The following KCNH1 variants were observed in gnomAD, a reference collection of about 807,000 sequenced individuals.
KCNH1 encodes potassium voltage-gated channel subfamily H member 1.
In KCNH1, 27 loss-of-function variants were observed where a neutral mutation model predicts 69.2. The ratio of observed to expected loss-of-function variants is 0.39; its 90% confidence interval spans 0.29 to 0.54. The LOEUF is 0.54. KCNH1 is among the 20% of genes least tolerant of loss of function. The pLI, the probability that KCNH1 is intolerant of heterozygous loss-of-function variation, is 0.68. For synonymous variants in KCNH1, 456 were observed against 487.7 expected, an observed-to-expected ratio of 0.93 and a Z score of 0.86; for missense variants, 798 against 1,261.6, an observed-to-expected ratio of 0.63 and a Z score of 5.57.
At chr1:211,013,655 AC>A (rs1689441058) in intron 6 of KCNH1, among the ~76,000 whole-genome samples, 1 of 152,200 alleles carries the variant, frequency 6.6e-6, no homozygotes, top group Admixed American at 6.5e-5. Context: ...AGGCAAAAGG[AC>A]AAACTGTCCC....
At chr1:210,951,867 G>T (rs1688068083) in intron 6 of KCNH1, among the ~76,000 whole-genome samples, 1 of 152,064 alleles carries the variant, frequency 6.6e-6, no homozygotes, top group African/African-American at 2.4e-5. Flanking sequence ...GCACACTGTT[G>T]TCTTTTCTAG....
chr1:211,023,064 T>C (rs1689615901), intron 5 of KCNH1, among the ~76,000 whole-genome samples: 1 of 151,502 alleles, frequency 6.6e-6, no homozygotes. Flanking sequence ...TGAGCCAAGA[T>C]CATGCCACTG....
chr1:210,925,250 T>C (rs1687543852), intron 6 of KCNH1, among the ~76,000 whole-genome samples: 1 of 152,342 alleles, frequency 6.6e-6, no homozygotes, highest in Non-Finnish European at 1.5e-5. Flanking sequence ...AGATGGCAGA[T>C]AGGAGGCAGG....
chr1:211,104,602 A>C (rs971072293), intron 2 of KCNH1, among the ~76,000 whole-genome samples: 1 of 152,150 alleles, frequency 6.6e-6, no homozygotes, highest in Non-Finnish European at 1.5e-5. Flanking sequence ...ATGGCACAGG[A>C]GACTAACAAA....
chr1:210,863,981 C>A (rs1358627113), intron 7 of KCNH1, among the ~76,000 whole-genome samples: 3 of 143,182 alleles, frequency 2.1e-5, no homozygotes, highest in Non-Finnish European at 4.6e-5. Flanking sequence ...AAACCTGCTG[C>A]TAACTAGAGG....
chr1:210,698,472 GAGAA>G (rs1170687076), intron 10 of KCNH1, among the ~76,000 whole-genome samples: 4 of 152,200 alleles, frequency 2.6e-5, no homozygotes, highest in Admixed American at 1.3e-4. Context: ...GAAGGTAAAA[GAGAA>G]AGAAGGATCT....
intron 6 of KCNH1, among the ~76,000 whole-genome samples, chr1:210,942,127 AG>A (rs1331231965): frequency 6.6e-6 from 1 of 152,230 alleles, no homozygotes; most frequent in Non-Finnish European, 1.5e-5. Context: ...AGTTTCTGGA[AG>A]CAGGCAGAAG....
At chr1:211,033,780 G>T (rs1186517591) in intron 5 of KCNH1, among the ~76,000 whole-genome samples, 1 of 152,018 alleles carries the variant, frequency 6.6e-6, no homozygotes, top group Non-Finnish European at 1.5e-5. Flanking sequence ...GGGGGGAGTG[G>T]GGAGGGATAG....
chr1:210,721,009 T>C (rs1682441468), intron 10 of KCNH1, among the ~76,000 whole-genome samples: 1 of 152,268 alleles, frequency 6.6e-6, no homozygotes, highest in Non-Finnish European at 1.5e-5. Flanking sequence ...GCTTTGGAGC[T>C]AGAAGAACCC....
At position 210,795,960 on chromosome 1, in the gene KCNH1, AAAACACACACAC is replaced by A. The variant is rs1220490234; in HGVS notation, c.1915+1536_1915+1547del. ...ACATGGTGAAACCCCATCTCTACTA[AAAACACACACAC>A]ACACACACACACACACACACACACA... On this transcript the variant is annotated intron_variant, in intron 9 of 10. Transcript: ENST00000271751. 1.3e-4 allele frequency among the ~76,000 whole-genome samples: 9 copies of A among 68,440 alleles called. No individual in the cohort carries two copies. In the South Asian group the frequency reaches 3.3e-3, roughly 25 times the overall value. 44.9% of individuals were successfully genotyped at this position (68,440 alleles called of 152,430 possible).
chr1:210,908,742 G>A (rs1241523357), intron 7 of KCNH1, among the ~76,000 whole-genome samples: 1 of 151,984 alleles, frequency 6.6e-6, no homozygotes, highest in African/African-American at 2.4e-5. Flanking sequence ...TCAGGAAGAG[G>A]GACACTCTAT....
At chr1:210,804,425 G>T (rs1684492457) in intron 7 of KCNH1, among the ~76,000 whole-genome samples, 1 of 152,226 alleles carries the variant, frequency 6.6e-6, no homozygotes, top group Non-Finnish European at 1.5e-5. Flanking sequence ...AGCTGGCATG[G>T]CCGGGGCCAG....
chr1:210,995,877 A>C lies in KCNH1; in HGVS notation c.1032+22906T>G, dbSNP rs183830774. Among the ~76,000 whole-genome samples, 23 of 152,316 alleles carry C rather than the reference A, an allele frequency of 1.5e-4. No individual in the cohort carries two copies. The East Asian group carries it at 4.4e-3, about 29-fold the overall frequency. ...AGAATGTATCTATAATCCAAGTGTA[A>C]GTAATATGCTGTGGGGGCTGAATAG... is the stretch of plus-strand genomic sequence containing the variant. On this transcript the variant is annotated intron_variant, in intron 6 of 10. Coordinates refer to ENST00000271751, the MANE Select transcript of KCNH1 (RefSeq NM_172362.3).
At chr1:211,007,796 T>C (rs757505844) in intron 6 of KCNH1, among the ~76,000 whole-genome samples, 4 of 152,198 alleles carry the variant, frequency 2.6e-5, no homozygotes, top group African/African-American at 7.2e-5. Flanking sequence ...GAAAAACTAA[T>C]AAAATGATCT....
chr1:210,958,361 G>C (rs904248609), intron 6 of KCNH1, among the ~76,000 whole-genome samples: 1 of 151,990 alleles, frequency 6.6e-6, no homozygotes, highest in Non-Finnish European at 1.5e-5. Flanking sequence ...TCATTTCAAC[G>C]TTGGTGAATC....
intron 10 of KCNH1, among the ~76,000 whole-genome samples, chr1:210,765,106 C>A (rs1027505522): frequency 2.6e-5 from 4 of 152,116 alleles, no homozygotes; most frequent in Non-Finnish European, 5.9e-5. Context: ...AATGCACAAA[C>A]AGAAAACTAT....
intron 7 of KCNH1, among the ~76,000 whole-genome samples, chr1:210,807,794 C>T (rs1020221629): frequency 6.6e-6 from 1 of 152,136 alleles, no homozygotes; most frequent in African/African-American, 2.4e-5. Context: ...GGATGTACCA[C>T]AACCATTTCT....
chr1:211,055,922 G>A (rs1055769847), intron 5 of KCNH1, among the ~76,000 whole-genome samples: 18 of 152,236 alleles, frequency 1.2e-4, no homozygotes, highest in Admixed American at 3.3e-4. Context: ...TAACCAGGCA[G>A]TGCTCACCCC....
At chr1:210,792,456 T>C (rs191435330) in intron 9 of KCNH1, among the ~76,000 whole-genome samples, 16 of 152,144 alleles carry the variant, frequency 1.1e-4, no homozygotes, top group Admixed American at 2.0e-4. Flanking sequence ...GTGCTGGAGA[T>C]AAGAAATCAA....
Sources: gnomAD v4.1 joint callset for allele counts (sites outside exome capture counted in the v4.1 genomes callset) on GRCh38, gnomAD v4.1.1 for gene constraint, MANE v1.5 for transcripts, NCBI Gene and HGNC (gene_info 2026-07-23, HGNC 2026-07-21) for gene names.